Variants in CYP7B1 observed in about 807,000 individuals in gnomAD.
CYP7B1 encodes the protein cytochrome P450 family 7 subfamily B member 1.
A neutral mutation model predicts 42.7 loss-of-function variants in CYP7B1; 29 were observed. The observed-to-expected ratio is 0.68, with a 90% CI of 0.51 to 0.93. The LOEUF (loss-of-function observed/expected upper bound fraction) is 0.93. Ranked by LOEUF, CYP7B1 falls within the 40% of genes least tolerant of loss-of-function variation. CYP7B1 has a pLI of 0.00. For missense variants in CYP7B1, 655 were observed against 600.5 expected (o/e 1.09, Z -0.95); for synonymous variants, 235 against 218.2 (o/e 1.08, Z -0.68).
chr8:64,793,622 T>C (rs1298925629), intron 1 of CYP7B1, among the ~76,000 whole-genome samples: 1 of 152,146 alleles, frequency 6.6e-6, no homozygotes, highest in Non-Finnish European at 1.5e-5. Context: ...CATCCAGTTC[T>C]AAGTAAGAAG....
At chr8:64,773,519 A>G (rs1804271748) in intron 1 of CYP7B1, among the ~76,000 whole-genome samples, 2 of 152,226 alleles carry the variant, frequency 1.3e-5, no homozygotes, top group Non-Finnish European at 2.9e-5. Context: ...ACAACAGGGT[A>G]TCCCATAGAC....
chr8:64,796,032 A>C (rs1189488139), intron 1 of CYP7B1, among the ~76,000 whole-genome samples: 3 of 152,214 alleles, frequency 2.0e-5, no homozygotes, highest in African/African-American at 7.2e-5. Flanking sequence ...GCATTCCTAT[A>C]CTATGCAATA....
chr8:64,663,725 T>C (rs1391378556), intron 1 of CYP7B1, among the ~76,000 whole-genome samples: 2 of 150,716 alleles, frequency 1.3e-5, no homozygotes, highest in Non-Finnish European at 2.9e-5. Context: ...TGCAGGCATG[T>C]CTGACAGACA....
At chr8:64,644,887 T>A (rs1437722701) in intron 1 of CYP7B1, among the ~76,000 whole-genome samples, 1 of 150,664 alleles carries the variant, frequency 6.6e-6, no homozygotes, top group Non-Finnish European at 1.5e-5. Flanking sequence ...ATTAGGTATA[T>A]CTCCTAATGC....
chr8:64,659,344 C>A (rs1491004091), intron 1 of CYP7B1, among the ~76,000 whole-genome samples: 2 of 152,116 alleles, frequency 1.3e-5, no homozygotes, highest in Non-Finnish European at 2.9e-5. Flanking sequence ...TACAAAATTT[C>A]ATGACTGTCT....
chr8:64,600,905 A>G (rs1297315781), intron 5 of CYP7B1, among the ~76,000 whole-genome samples: 1 of 152,208 alleles, frequency 6.6e-6, no homozygotes, highest in Non-Finnish European at 1.5e-5. Flanking sequence ...CTGAGTCCCT[A>G]TACTGCAAGT....
intron 1 of CYP7B1, among the ~76,000 whole-genome samples, chr8:64,666,156 A>G (rs933126031): frequency 6.6e-6 from 1 of 152,130 alleles, no homozygotes; most frequent in Non-Finnish European, 1.5e-5. Context: ...CAAACCCCCA[A>G]TAATAAAGAT....
intron 1 of CYP7B1, among the ~76,000 whole-genome samples, chr8:64,649,517 C>T: frequency 6.6e-6 from 1 of 152,204 alleles, no homozygotes; most frequent in South Asian, 2.1e-4. Flanking sequence ...CTGCAGTGAA[C>T]ATTAGGTGGG....
chr8:64,709,088 C>A (rs1807042524), intron 1 of CYP7B1, among the ~76,000 whole-genome samples: 1 of 152,148 alleles, frequency 6.6e-6, no homozygotes, highest in Admixed American at 6.6e-5. Context: ...GGCCGCAGTG[C>A]AGGATTCTCT....
intron 1 of CYP7B1, among the ~76,000 whole-genome samples, chr8:64,661,883 C>T (rs76563092): frequency 0.067 from 10,173 of 152,026 alleles, 408 homozygotes; most frequent in South Asian, 0.17. Flanking sequence ...ATAGCATACT[C>T]AATAGAGGAA....
chr8:64,602,240 T>A (rs2129629884), intron 5 of CYP7B1, among the ~76,000 whole-genome samples: 2 of 152,278 alleles, frequency 1.3e-5, no homozygotes, highest in Admixed American at 1.3e-4. Context: ...GGCCACAGTG[T>A]GAGCAATGGC....
intron 1 of CYP7B1, among the ~76,000 whole-genome samples, chr8:64,657,298 C>A (rs1806135146): frequency 6.6e-6 from 1 of 152,022 alleles, no homozygotes; most frequent in Non-Finnish European, 1.5e-5. Flanking sequence ...TTAGTAATTT[C>A]TAGAATAAAT....
Position 64,670,871 on chromosome 8 carries a change from CT to C in CYP7B1, c.123-46333del, listed in dbSNP as rs201804283. ...CTCTTCCCTGCTCTGAATTCCTAGT[CT>C]TTTTTTTTTAAACCCTGGTGTTAGT... On this transcript the variant is annotated intron_variant, in intron 1 of 5. Coordinates refer to ENST00000310193, the MANE Select transcript of CYP7B1 (RefSeq NM_004820.5). Among the ~76,000 whole-genome samples the C allele has an allele frequency of 7.8e-3, 1,163 of 149,928 alleles. 13 individuals are homozygous for C. Among genetic ancestry groups the C allele is most frequent in the African/African-American group, 0.026 (1,084 of 40,974 alleles).
At chr8:64,655,957 T>C (rs550877485) in intron 1 of CYP7B1, among the ~76,000 whole-genome samples, 1 of 152,086 alleles carries the variant, frequency 6.6e-6, no homozygotes, top group African/African-American at 2.4e-5. Context: ...GAGCTAAAAG[T>C]GGGAGACCTC....
intron 1 of CYP7B1, among the ~76,000 whole-genome samples, chr8:64,792,763 T>A (rs150975056): frequency 6.6e-6 from 1 of 152,310 alleles, no homozygotes; most frequent in Non-Finnish European, 1.5e-5. Context: ...ATGATTTAGA[T>A]GATGAGATCT....
At chr8:64,766,337 A>G (rs1301214194) in intron 1 of CYP7B1, among the ~76,000 whole-genome samples, 2 of 152,196 alleles carry the variant, frequency 1.3e-5, no homozygotes, top group Admixed American at 6.5e-5. Flanking sequence ...ACCTGATTCT[A>G]TTGAAGGCCA....
At chr8:64,602,448 C>CT (rs147369599) in intron 5 of CYP7B1, among the ~76,000 whole-genome samples, 6,142 of 152,188 alleles carry the variant, frequency 0.04, 455 homozygotes, top group African/African-American at 0.14. Context: ...ATTTTAGAGT[C>CT]TTTTGGAGGT....
At chr8:64,730,240 T>G (rs1807388517) in intron 1 of CYP7B1, among the ~76,000 whole-genome samples, 1 of 152,042 alleles carries the variant, frequency 6.6e-6, no homozygotes, top group South Asian at 2.1e-4. Flanking sequence ...TTTTTTTTTT[T>G]TGTATTTTTA....
intron 1 of CYP7B1, among the ~76,000 whole-genome samples, chr8:64,772,600 A>T (rs1585906670): frequency 6.6e-6 from 1 of 152,164 alleles, no homozygotes; most frequent in East Asian, 1.9e-4. Context: ...ATGCACACAC[A>T]GGCGCACACG....
Sources: gnomAD v4.1 joint callset for allele counts (sites outside exome capture counted in the v4.1 genomes callset) on GRCh38, gnomAD v4.1.1 for gene constraint, MANE v1.5 for transcripts, NCBI Gene and HGNC (gene_info 2026-07-23, HGNC 2026-07-21) for gene names.